Variants in PCYOX1L observed in about 807,000 individuals in gnomAD.
PCYOX1L encodes the protein prenylcysteine oxidase 1-like.
A neutral mutation model predicts 44.1 loss-of-function variants in PCYOX1L; 40 were observed. That is an observed-to-expected ratio of 0.91 (90% confidence interval 0.70 to 1.18). PCYOX1L has a LOEUF of 1.18. Ranked by LOEUF, PCYOX1L falls within the 50% of genes most tolerant of loss-of-function variation. PCYOX1L has a pLI of 0.00. For missense variants in PCYOX1L, 605 were observed against 653.3 expected (o/e 0.93, Z 0.81); for synonymous variants, 266 against 282.8 (o/e 0.94, Z 0.60).
At chr5:149,362,284 A>T in intron 1 of PCYOX1L, 1 of 303,866 alleles carries the variant, frequency 3.3e-6, no homozygotes, top group Non-Finnish European at 6.4e-6. Context: ...ACTTTTAACA[A>T]TTCATAGGGA....
At chr5:149,363,133 G>A (rs1758067850) in intron 2 of PCYOX1L, 2 of 524,566 alleles carry the variant, frequency 3.8e-6, no homozygotes, top group African/African-American at 3.8e-5. Flanking sequence ...ACATGCTAGT[G>A]CTTGCCAGGC....
At position 149,367,593 on chromosome 5, in the gene PCYOX1L, T is replaced by TC. The variant is rs1290700803; in HGVS notation, c.823+98dup. 3.3e-6 allele frequency: 5 copies of TC among 1,534,268 alleles called. No homozygotes were observed. In the South Asian group the frequency reaches 4.8e-5, roughly 15 times the overall value. On this transcript the variant is annotated intron_variant, in intron 5 of 5. Transcript: ENST00000274569. ...TTTGTACCTCAGCCCTGGTCTGTGA[T>TC]CCCCCTGGGGAGTATTTCCGAAAAA...
chr5:149,365,917 G>A, intron 3 of PCYOX1L, 25 bp from the exon 4 acceptor site: 1 of 1,612,858 alleles, frequency 6.2e-7, no homozygotes, highest in Non-Finnish European at 8.5e-7. Context: ...CCTGCACAAG[G>A]ACTCCAGCTC....
intron 4 of PCYOX1L, 23 bp from the exon 5 acceptor site, chr5:149,367,337 C>T (rs774615982): frequency 6.2e-7 from 1 of 1,600,328 alleles, no homozygotes; most frequent in Non-Finnish European, 8.5e-7. Flanking sequence ...AACCTATCAG[C>T]ACCCACTTCC....
intron 3 of PCYOX1L, chr5:149,365,737 C>T: frequency 1.7e-6 from 1 of 600,138 alleles, no homozygotes; most frequent in Non-Finnish European, 3.0e-6. Flanking sequence ...AGAAGGATTC[C>T]ATACCTTCAC....
intron 3 of PCYOX1L, chr5:149,365,556 C>G (rs180743513): frequency 1.3e-3 from 341 of 264,172 alleles, no homozygotes; most frequent in African/African-American, 7.1e-3. Context: ...TCATCAGGTC[C>G]TAGAAGCTGT....
intron 3 of PCYOX1L, 59 bp from the exon 4 acceptor site, chr5:149,365,883 G>A: frequency 6.4e-7 from 1 of 1,551,416 alleles, no homozygotes; most frequent in Admixed American, 1.7e-5. Flanking sequence ...TAACCCAGGG[G>A]CAGGTGGTCA....
At position 149,368,044 on chromosome 5, in the gene PCYOX1L, C is replaced by G. The variant is rs777617145; in HGVS notation, c.875C>G (p.Ser292Cys). The G allele has an allele frequency of 6.3e-7, 1 of 1,579,046 alleles. No homozygotes were observed. Among genetic ancestry groups the G allele is most frequent in the Non-Finnish European group, 8.6e-7 (1 of 1,164,296 alleles). The change falls in exon 6 of 6, where the codon TCT (serine) becomes TGT (cysteine). Residue 292 changes from serine (S) to cysteine (C), a missense_variant. Ser to Cys is a moderately radical substitution (Grantham distance 112). Coordinates refer to ENST00000274569, the MANE Select transcript of PCYOX1L (RefSeq NM_024028.4). ...TATGAGAATGAGGTAGGCAACAGCT[C>G]TGACTTCTATGACATCGTGGTCATC... ...VAYENEVGNS[S>C]DFYDIVVIAT...
intron 5 of PCYOX1L, 100 bp from the exon 6 acceptor site, chr5:149,367,893 G>T: frequency 1.5e-6 from 2 of 1,306,536 alleles, no homozygotes; most frequent in Non-Finnish European, 2.1e-6. Flanking sequence ...GCTGCACCCT[G>T]AGCACCAGGG....
Position 149,368,618 on chromosome 5 carries a change from A to G in PCYOX1L, c.1449A>G (p.Gln483=), listed in dbSNP as rs762445448. ...RWYQDLDKID[Q]KDLMHKVKTE... is the part of the protein sequence containing the mutation. ...ACCAGGACCTAGACAAGATTGATCA[A>G]AAAGATTTGATGCACAAGGTCAAGA... is the stretch of plus-strand genomic sequence containing the variant. The change falls in exon 6 of 6, where the codon CAA becomes CAG. Residue 483 remains glutamine (Q), a synonymous_variant. Coordinates refer to ENST00000274569, the MANE Select transcript of PCYOX1L (RefSeq NM_024028.4). 2 of 1,527,670 alleles carry G rather than the reference A, an allele frequency of 1.3e-6. No homozygotes were observed. Among genetic ancestry groups the G allele is most frequent in the Non-Finnish European group, 1.7e-6 (2 of 1,143,446 alleles). The allele number at this position is 1,527,670 out of a possible 1,614,324, so 94.6% of individuals were successfully genotyped here.
chr5:149,358,321 T>A, intron 1 of PCYOX1L, 165 bp downstream of exon 1: 1 of 1,142,490 alleles, frequency 8.8e-7, no homozygotes, highest in Non-Finnish European at 1.1e-6. Flanking sequence ...GCAGGGAAGG[T>A]CCTGATGGGG....
Position 149,358,078 on chromosome 5 carries a change from G to T in PCYOX1L, c.10G>T (p.Ala4Ser). 7.1e-7 allele frequency: 1 copy of T among 1,408,084 alleles called. No homozygotes were observed. The highest frequency in any genetic ancestry group is 1.5e-5 in the South Asian group (1 of 66,700). 87.2% of individuals were successfully genotyped at this position (1,408,084 alleles called of 1,614,324 possible). A position where few individuals can be genotyped will look rare whatever the true frequency, so the allele number is the denominator to read the frequency against. ...CCGCTCGCCGCCCGCCATGGCCCGC[G>T]CAGCCCCGCTGCTCGCCGCGTTGAC... MAR[A>S]APLLAALTAL... The change falls in exon 1 of 6, where the codon GCA becomes TCA. Residue 4 changes from alanine to serine, a missense_variant. Physicochemically the swap from Ala to Ser is moderately conservative, Grantham distance 99 (BLOSUM62 1). Coordinates refer to ENST00000274569, the MANE Select transcript of PCYOX1L (RefSeq NM_024028.4).
chr5:149,361,980 A>C (rs547836307), intron 1 of PCYOX1L: 1 of 153,484 alleles, frequency 6.5e-6, no homozygotes, highest in East Asian at 1.9e-4. Context: ...TAGGTGTCCG[A>C]TAGTAGGTTG....
intron 1 of PCYOX1L, among the ~76,000 whole-genome samples, chr5:149,358,811 C>G (rs573838375): frequency 1.8e-4 from 28 of 152,204 alleles, no homozygotes; most frequent in Non-Finnish European, 3.4e-4. Flanking sequence ...TTCCCCAATA[C>G]TTTATTTTGA....
chr5:149,368,976 GA>G lies in PCYOX1L; in HGVS notation c.*323del, dbSNP rs1377661241. 4.5e-6 allele frequency: 1 copy of G among 220,234 alleles called. No individual in the cohort carries two copies. The highest frequency in any genetic ancestry group is 5.4e-5 in the Admixed American group (1 of 18,470). The allele number at this position is 220,234 out of a possible 1,614,324, so 13.6% of individuals were successfully genotyped here. Reference sequence around the variant, plus strand: ...TTAGCTAGAAACCAGAAGACTACGGGAGGGAATATAAGGCAGAGAACTATGA... The same window carrying G: ...TTAGCTAGAAACCAGAAGACTACGGGGGGAATATAAGGCAGAGAACTATGA... On this transcript the variant is annotated 3_prime_UTR_variant, in exon 6 of 6. Coordinates refer to ENST00000274569, the MANE Select transcript of PCYOX1L (RefSeq NM_024028.4).
chr5:149,366,188 C>G (rs2081020), intron 4 of PCYOX1L, 35 bp downstream of exon 4: 12 of 1,596,026 alleles, frequency 7.5e-6, no homozygotes, highest in African/African-American at 1.3e-5. Flanking sequence ...CCACCTGCCC[C>G]TCCTCCACCC....
At chr5:149,362,919 C>A (rs1247779831) in intron 2 of PCYOX1L, 76 bp downstream of exon 2, 7 of 1,504,172 alleles carry the variant, frequency 4.7e-6, no homozygotes. Context: ...CTCAGACTTC[C>A]CAGACCATCA....
intron 1 of PCYOX1L, among the ~76,000 whole-genome samples, chr5:149,359,158 T>G (rs923511690): frequency 3.9e-5 from 6 of 152,030 alleles, no homozygotes; most frequent in African/African-American, 1.4e-4. Flanking sequence ...GCAGAGATCC[T>G]GGGCTTCGGG....
intron 3 of PCYOX1L, 154 bp from the exon 4 acceptor site, chr5:149,365,788 A>G: frequency 1.5e-6 from 1 of 660,576 alleles, no homozygotes; most frequent in Non-Finnish European, 2.6e-6. Flanking sequence ...GTCAGAGAAC[A>G]GGTGCCAGGG....
Sources: gnomAD v4.1 joint callset for allele counts (sites outside exome capture counted in the v4.1 genomes callset) on GRCh38, gnomAD v4.1.1 for gene constraint, MANE v1.5 for transcripts, NCBI Gene and HGNC (gene_info 2026-07-23, HGNC 2026-07-21) for gene names.